The following PRDM16 variants were observed in gnomAD, a reference collection of about 807,000 sequenced individuals.
The protein encoded by PRDM16 is PR/SET domain 16.
In PRDM16, 23 loss-of-function variants were observed where a neutral mutation model predicts 110.6. The observed-to-expected ratio is 0.21, with a 90% CI of 0.15 to 0.29. The LOEUF is 0.29. Ranked by LOEUF, PRDM16 falls within the 10% of genes least tolerant of loss-of-function variation. PRDM16 has a pLI of 1.00. For missense variants in PRDM16, 1,615 were observed against 1,794.3 expected (o/e 0.90, Z 1.81); for synonymous variants, 799 against 781.8 (o/e 1.02, Z -0.37).
intron 1 of PRDM16, among the ~76,000 whole-genome samples, chr1:3,114,210 CGCACACGA>C (rs1557456085): frequency 1.5e-5 from 2 of 132,884 alleles, no homozygotes; most frequent in Non-Finnish European, 3.1e-5. Context: ...CACGCACACA[CGCACACGA>C]ACACACACGC....
At chr1:3,099,145 G>A (rs1432100203) in intron 1 of PRDM16, among the ~76,000 whole-genome samples, 1 of 152,248 alleles carries the variant, frequency 6.6e-6, no homozygotes, top group Non-Finnish European at 1.5e-5. Flanking sequence ...TGGGCTTCCT[G>A]GGGGCTCCAC....
chr1:3,200,248 T>C (rs966078793), intron 2 of PRDM16, among the ~76,000 whole-genome samples: 14 of 152,164 alleles, frequency 9.2e-5, no homozygotes, highest in Non-Finnish European at 5.9e-5. Context: ...GAGGCTGCCC[T>C]GGATGGGGGC....
chr1:3,141,294 C>A (rs945939917), intron 1 of PRDM16, among the ~76,000 whole-genome samples: 3 of 152,156 alleles, frequency 2.0e-5, no homozygotes, highest in Non-Finnish European at 4.4e-5. Flanking sequence ...CACCTACCTG[C>A]CCTGTCAGCT....
At chr1:3,418,841 C>T (rs754894268) in intron 12 of PRDM16, 97 bp downstream of exon 12, 30 of 944,858 alleles carry the variant, frequency 3.2e-5, no homozygotes, top group Non-Finnish European at 4.8e-5. Flanking sequence ...CCAGGGCTCC[C>T]TGCTGGAGTG....
At chr1:3,314,058 C>A (rs781677444) in intron 3 of PRDM16, among the ~76,000 whole-genome samples, 2 of 142,840 alleles carry the variant, frequency 1.4e-5, no homozygotes, top group East Asian at 4.0e-4. Context: ...CCCCGAATGC[C>A]GTCCTTCCCC....
At chr1:3,130,454 C>G (rs534103475) in intron 1 of PRDM16, among the ~76,000 whole-genome samples, 3 of 152,186 alleles carry the variant, frequency 2.0e-5, no homozygotes, top group Non-Finnish European at 4.4e-5. Context: ...GGCCATGGGG[C>G]TTTGGAAACA....
intron 3 of PRDM16, among the ~76,000 whole-genome samples, chr1:3,281,853 C>T (rs971678407): frequency 9.2e-5 from 14 of 152,234 alleles, no homozygotes; most frequent in African/African-American, 2.7e-4. Context: ...AGCAGGCAGA[C>T]GCCATCCCTG....
At chr1:3,349,002 C>A (rs1302892689) in intron 3 of PRDM16, among the ~76,000 whole-genome samples, 1 of 151,990 alleles carries the variant, frequency 6.6e-6, no homozygotes, top group African/African-American at 2.4e-5. Flanking sequence ...ACTGGCATGG[C>A]TCTGTGCTCC....
chr1:3,350,622 G>A lies in PRDM16; in HGVS notation c.439-34530G>A, dbSNP rs536217831. ...GCAGAGCTGGGAGCCAGCCCTGCCC[G>A]GCCAGGGCTCGGGCACAGCTTGGCT... On this transcript the variant is annotated intron_variant, in intron 3 of 16. Coordinates refer to ENST00000270722, the MANE Select transcript of PRDM16 (RefSeq NM_022114.4). This position sits in a 1 kb window ranked among gnomAD's most constrained non-coding sequence, Gnocchi z 7.1. Among the ~76,000 whole-genome samples, 9 of 152,182 alleles carry A rather than the reference G, an allele frequency of 5.9e-5. No individual in the cohort carries two copies. The highest frequency in any genetic ancestry group is 2.1e-4 in the South Asian group (1 of 4,816).
intron 2 of PRDM16, among the ~76,000 whole-genome samples, chr1:3,222,920 G>A (rs1317034193): frequency 6.6e-6 from 1 of 152,122 alleles, no homozygotes; most frequent in Admixed American, 6.5e-5. Flanking sequence ...GTGGAGTTTG[G>A]TGGGTGGGTT....
chr1:3,354,913 A>G (rs983697914), intron 3 of PRDM16, among the ~76,000 whole-genome samples: 3 of 152,120 alleles, frequency 2.0e-5, no homozygotes, highest in African/African-American at 2.4e-5. Context: ...ATGAAGGGCT[A>G]CCTGGCCAGG....
intron 1 of PRDM16, among the ~76,000 whole-genome samples, chr1:3,114,555 T>C (rs1375874539): frequency 2.0e-5 from 3 of 150,354 alleles, no homozygotes; most frequent in African/African-American, 4.9e-5. Flanking sequence ...CACACACACG[T>C]GCACAAACAA....
At chr1:3,236,990 G>A (rs1639553720) in intron 2 of PRDM16, among the ~76,000 whole-genome samples, 1 of 152,188 alleles carries the variant, frequency 6.6e-6, no homozygotes, top group Non-Finnish European at 1.5e-5. Context: ...AAGGGAGGAA[G>A]CTGGGGGGCA....
intron 2 of PRDM16, among the ~76,000 whole-genome samples, chr1:3,231,441 C>T (rs1013566251): frequency 9.9e-5 from 15 of 152,252 alleles, no homozygotes; most frequent in Middle Eastern, 3.4e-3. Context: ...CGGTCAAGGC[C>T]GTCCCCCTGG....
In PRDM16 at chr1:3,069,591, G is replaced by A. The variant is rs1410238596; in HGVS notation, c.37+295G>A. ...GCTCGGGCCCGGGAACCCGAGGCGC[G>A]CGGTGGGGGCCGGGGAGGGGGGCGG... On this transcript the variant is annotated intron_variant, in intron 1 of 16. Transcript: ENST00000270722. The surrounding 1 kb of genome is among the most constrained non-coding windows in gnomAD (Gnocchi z 6.1). Among the ~76,000 whole-genome samples the A allele has an allele frequency of 1.3e-5, 2 of 149,974 alleles. No homozygotes were observed. The highest frequency in any genetic ancestry group is 3.0e-5 in the Non-Finnish European group (2 of 66,772).
At chr1:3,169,102 A>G (rs1260850086) in intron 1 of PRDM16, among the ~76,000 whole-genome samples, 1 of 152,150 alleles carries the variant, frequency 6.6e-6, no homozygotes, top group Non-Finnish European at 1.5e-5. Flanking sequence ...CTCTACTTGG[A>G]AGGCTTGTGA....
intron 3 of PRDM16, among the ~76,000 whole-genome samples, chr1:3,324,888 C>T (rs1288652484): frequency 6.6e-6 from 1 of 152,138 alleles, no homozygotes; most frequent in Non-Finnish European, 1.5e-5. Flanking sequence ...CTGCCCTGGG[C>T]CAGAGTCCCT....
chr1:3,207,966 G>A (rs61681774), intron 2 of PRDM16: 5,078 of 152,394 alleles, frequency 0.033, 274 homozygotes, highest in African/African-American at 0.12. Flanking sequence ...ACCCTAGCCC[G>A]GCCGCCTGTC....
At chr1:3,269,830 C>T (rs186588629) in intron 3 of PRDM16, among the ~76,000 whole-genome samples, 23 of 95,496 alleles carry the variant, frequency 2.4e-4, no homozygotes, top group Non-Finnish European at 4.0e-4. Flanking sequence ...GGGAGGAGGA[C>T]AGTCCCAGAG....
Sources: allele counts gnomAD v4.1 joint callset (sites outside exome capture counted in the v4.1 genomes callset), GRCh38; gene constraint gnomAD v4.1.1; non-coding constraint Gnocchi (gnomAD v3.1); transcripts MANE v1.5; gene names NCBI Gene and HGNC (gene_info 2026-07-23, HGNC 2026-07-21).